ZNF778: variants seen among roughly 807,000 people sequenced by gnomAD.
The protein encoded by ZNF778 is zinc finger protein 778.
In ZNF778, 37 loss-of-function variants were observed where a neutral mutation model predicts 23.9. That is an observed-to-expected ratio of 1.54 (90% confidence interval 1.19 to 2.03). ZNF778 has a LOEUF of 2.03. Ranked by LOEUF, ZNF778 falls within the 30% of genes most tolerant of loss-of-function variation. The probability of loss-of-function intolerance (pLI) is 0.00; values close to 1 mark genes in which losing one functional copy is unlikely to be tolerated. For synonymous variants in ZNF778, 483 were observed against 343.9 expected, an observed-to-expected ratio of 1.40 and a Z score of -4.48; for missense variants, 1,297 against 934.4, an observed-to-expected ratio of 1.39 and a Z score of -5.06.
rs372110540 is a variant in ZNF778, at chr16:89,227,353, C to T, written c.1065C>T (p.His355=). The T allele has an allele frequency of 3.9e-5, 63 of 1,613,976 alleles. No homozygotes were observed. The highest frequency in any genetic ancestry group is 4.5e-5 in the East Asian group (2 of 44,886). Residue 355 remains histidine, a synonymous_variant, in exon 7 of 7, where the codon CAC becomes CAT. Transcript: ENST00000433976. ...AFTGLSGLSK[H]VQTDPGQKPY... ...CTGGACTCTCAGGTCTTTCTAAACACGTCCAAACAGACCCTGGACAGAAGC... is the reference window on the plus strand; with the variant it reads ...CTGGACTCTCAGGTCTTTCTAAACATGTCCAAACAGACCCTGGACAGAAGC...
intron 4 of ZNF778, among the ~76,000 whole-genome samples, chr16:89,224,445 C>G (rs1295500987): frequency 2.0e-5 from 3 of 152,174 alleles, no homozygotes; most frequent in Non-Finnish European, 4.4e-5. Flanking sequence ...CGGTGAAACC[C>G]CATCTCTACT....
Position 89,225,624 on chromosome 16 carries a change from C to G in ZNF778, c.398C>G (p.Thr133Arg), listed in dbSNP as rs377280363. 6.2e-6 allele frequency: 10 copies of G among 1,611,954 alleles called. No homozygotes were observed. Among genetic ancestry groups the G allele is most frequent in the Middle Eastern group, 1.7e-4 (1 of 6,058 alleles). Residue 133 changes from threonine to arginine, a missense_variant, in exon 6 of 7, where the codon ACA becomes AGA. Physicochemically the swap from Thr to Arg is moderately conservative, Grantham distance 71. Transcript: ENST00000433976. The part of the protein sequence containing the change: ...DRSWFRASNE[T>R]QTARSHNGGQ... Reference sequence around the variant, plus strand: ...TCTTGGTTCAGAGCATCAAATGAGACACAGACGGTAAGATTAACAAGAGAG... The same window carrying G: ...TCTTGGTTCAGAGCATCAAATGAGAGACAGACGGTAAGATTAACAAGAGAG...
rs1004014022 is a variant in ZNF778 at position 89,228,590 on chromosome 16, T to C, written c.*28T>C. The C allele has an allele frequency of 1.4e-5, 21 of 1,543,118 alleles. 1 individual carries two copies. The highest frequency in any genetic ancestry group is 8.4e-5 in the Admixed American group (4 of 47,422). Reference sequence around the variant, plus strand: ...TAAAGAATGTGGGGAAGCTGTCAGCTACACTCATTCACGTTGAAGACATGA... The same window carrying C: ...TAAAGAATGTGGGGAAGCTGTCAGCCACACTCATTCACGTTGAAGACATGA... On this transcript the variant is annotated 3_prime_UTR_variant, in exon 7 of 7. Coordinates refer to ENST00000433976, the MANE Select transcript of ZNF778 (RefSeq NM_001201407.2).
In ZNF778 at chr16:89,227,045, T is replaced by C. The variant is rs754760257; in HGVS notation, c.757T>C (p.Trp253Arg). ...GGGAAGTCACAACGGAGAAGAAACA[T>C]GGAAATGGAAGCCGTGTGGGAAAGC... ...RAGSHNGEET[W>R]KWKPCGKALT... The change falls in exon 7 of 7, where the codon TGG (tryptophan) becomes CGG (arginine). Residue 253 changes from tryptophan to arginine, a missense_variant. Trp to Arg is a moderately radical substitution (Grantham distance 101). Coordinates refer to ENST00000433976, the MANE Select transcript of ZNF778 (RefSeq NM_001201407.2). 6.2e-7 allele frequency: 1 copy of C among 1,613,814 alleles called. No homozygotes were observed. The highest frequency in any genetic ancestry group is 1.1e-5 in the South Asian group (1 of 91,074).
rs2031881703 is a variant in ZNF778 at position 89,230,804 on chromosome 16, G to A, written c.*2242G>A. On this transcript the variant is annotated 3_prime_UTR_variant, in exon 7 of 7. Coordinates refer to ENST00000433976, the MANE Select transcript of ZNF778 (RefSeq NM_001201407.2). ...CGGTATAAAGGTAATCTACAACGAG[G>A]TGAACAATAAATCCTGGATGGACAG... 6.6e-6 allele frequency: 1 copy of A among 152,240 alleles called. No homozygotes were observed. Among genetic ancestry groups the A allele is most frequent in the East Asian group, 1.9e-4 (1 of 5,200 alleles). 9.4% of individuals were successfully genotyped at this position (152,240 alleles called of 1,614,324 possible).
chr16:89,226,388 A>G (rs140741666), intron 6 of ZNF778, among the ~76,000 whole-genome samples: 84 of 152,270 alleles, frequency 5.5e-4, no homozygotes, highest in African/African-American at 1.8e-3. Context: ...TATTTTTAAT[A>G]GAGACGGGGT....
intron 4 of ZNF778, among the ~76,000 whole-genome samples, chr16:89,224,451 C>G (rs796551177): frequency 6.6e-6 from 1 of 152,174 alleles, no homozygotes; most frequent in South Asian, 2.1e-4. Context: ...AACCCCATCT[C>G]TACTAAAAAT....
rs947362132 is a variant in ZNF778, at chr16:89,236,078, G to A, written c.*7516G>A. 5.9e-5 allele frequency: 9 copies of A among 152,316 alleles called. No individual in the cohort carries two copies. Among genetic ancestry groups the A allele is most frequent in the African/African-American group, 1.9e-4 (8 of 41,562 alleles). 9.4% of individuals were successfully genotyped at this position (152,316 alleles called of 1,614,324 possible). On this transcript the variant is annotated 3_prime_UTR_variant, in exon 7 of 7. Transcript: ENST00000433976. ...TGCAGTCCCAGCTACTGGGGAGGCT[G>A]AGGCAGGAGAATGGCGTGAACCCGG...
intron 6 of ZNF778, 58 bp downstream of exon 6, chr16:89,225,689 C>T: frequency 6.7e-7 from 1 of 1,485,754 alleles, no homozygotes; most frequent in Non-Finnish European, 9.2e-7. Context: ...TTGGGAATTC[C>T]ACTATAGAAA....
At chr16:89,221,392 C>G (rs937940028) in intron 2 of ZNF778, among the ~76,000 whole-genome samples, 2 of 152,216 alleles carry the variant, frequency 1.3e-5, no homozygotes, top group African/African-American at 2.4e-5. Context: ...TCACGTTCCT[C>G]AAGGCGTACC....
chr16:89,229,985 G>A lies in ZNF778; in HGVS notation c.*1423G>A. The A allele has an allele frequency of 8.1e-6, 8 of 982,518 alleles. No homozygotes were observed. Among genetic ancestry groups the A allele is most frequent in the Non-Finnish European group, 9.7e-6 (8 of 827,530 alleles). The allele number at this position is 982,518 out of a possible 1,614,324, so 60.9% of individuals were successfully genotyped here. A position where few individuals can be genotyped will look rare whatever the true frequency, so the allele number is the denominator to read the frequency against. ...GTTGGTTAGTCTTGAGGATCCAGAT[G>A]TGATCCTGTGTGAGCAGTGTAGGCT... On this transcript the variant is annotated 3_prime_UTR_variant, in exon 7 of 7. Transcript: ENST00000433976.
rs747663838 is a variant in ZNF778, at chr16:89,227,436, A to G, written c.1148A>G (p.His383Arg). The part of the protein sequence containing the change: ...ACGGFYLLNE[H>R]GKTHTREKPF... ...GGTGGGTTTTATCTACTGAATGAGC[A>G]TGGAAAAACTCACACGAGGGAGAAG... is the stretch of plus-strand genomic sequence containing the variant. The change falls in exon 7 of 7, where the codon CAT (histidine) becomes CGT (arginine). Residue 383 changes from histidine (H) to arginine (R), a missense_variant. Physicochemically the swap from His to Arg is conservative, Grantham distance 29 (BLOSUM62 0). Transcript: ENST00000433976. 15 of 1,613,844 alleles carry G rather than the reference A, an allele frequency of 9.3e-6. No individual in the cohort carries two copies. The highest frequency in any genetic ancestry group is 5.0e-5 in the Admixed American group (3 of 59,988).
Position 89,227,468 on chromosome 16 carries a change from G to T in ZNF778, c.1180G>T (p.Ala394Ser). ...AACTCACACGAGGGAGAAGCCCTTT[G>T]CATGTGTGGTTTGCGGAAAATATTT... ...GKTHTREKPF[A>S]CVVCGKYFRN... Residue 394 changes from alanine to serine, a missense_variant, in exon 7 of 7, where the codon GCA (alanine) becomes TCA (serine). Coordinates refer to ENST00000433976, the MANE Select transcript of ZNF778 (RefSeq NM_001201407.2). The T allele has an allele frequency of 6.2e-7, 1 of 1,613,632 alleles. No homozygotes were observed. Among genetic ancestry groups the T allele is most frequent in the Non-Finnish European group, 8.5e-7 (1 of 1,179,800 alleles).
rs925961496 is a variant in ZNF778 at position 89,223,352 on chromosome 16, G to C, written c.244+69G>C. 3.1e-6 allele frequency: 5 copies of C among 1,596,466 alleles called. No individual in the cohort carries two copies. The Admixed American group carries it at 5.4e-5, about 17-fold the overall frequency. ...TTGATGTGTCCTTACTGTGTTCCAG[G>C]GTTGGTGACGGCAAAGCCGAGTACC... is the stretch of plus-strand genomic sequence containing the variant. On this transcript the variant is annotated intron_variant, in intron 4 of 6. Coordinates refer to ENST00000433976, the MANE Select transcript of ZNF778 (RefSeq NM_001201407.2).
rs1370726814 is a variant in ZNF778 at position 89,228,207 on chromosome 16, C to G, written c.1919C>G (p.Thr640Ser). The part of the protein sequence containing the change: ...SHLIVHIRTH[T>S]GEKPYICKEC... ...CTTATCGTGCACATAAGAACCCACA[C>G]CGGTGAGAAACCCTACATATGTAAG... The change falls in exon 7 of 7, where the codon ACC becomes AGC. Residue 640 changes from threonine to serine, a missense_variant. Coordinates refer to ENST00000433976, the MANE Select transcript of ZNF778 (RefSeq NM_001201407.2). 6.2e-7 allele frequency: 1 copy of G among 1,613,498 alleles called. No individual in the cohort carries two copies. The highest frequency in any genetic ancestry group is 8.5e-7 in the Non-Finnish European group (1 of 1,179,620).
Position 89,225,601 on chromosome 16 carries a change from T to C in ZNF778, c.375T>C (p.Ser125=). ...TKGPALRQDR[S]WFRASNETQT... ...GGCCAGCACTTCGGCAGGATAGATC[T>C]TGGTTCAGAGCATCAAATGAGACAC... The change falls in exon 6 of 7, where the codon TCT becomes TCC. Residue 125 remains serine (S), a synonymous_variant. Coordinates refer to ENST00000433976, the MANE Select transcript of ZNF778 (RefSeq NM_001201407.2). 1 of 1,613,140 alleles carries C rather than the reference T, an allele frequency of 6.2e-7. No homozygotes were observed. Among genetic ancestry groups the C allele is most frequent in the South Asian group, 1.1e-5 (1 of 91,038 alleles).
At chr16:89,218,332 C>T (rs1243688657) in intron 1 of ZNF778, 2 of 152,242 alleles carry the variant, frequency 1.3e-5, no homozygotes, top group Non-Finnish European at 2.9e-5. Flanking sequence ...GCCATGTTTT[C>T]TCTCTCCCCC....
rs574330841 is a variant in ZNF778, at chr16:89,232,755, A to G, written c.*4193A>G. ...AGATGGTAAACAACTTGCTGGAAACATGCACTGCATATACAAATCAACTCA... is the reference window on the plus strand; with the variant it reads ...AGATGGTAAACAACTTGCTGGAAACGTGCACTGCATATACAAATCAACTCA... On this transcript the variant is annotated 3_prime_UTR_variant, in exon 7 of 7. Coordinates refer to ENST00000433976, the MANE Select transcript of ZNF778 (RefSeq NM_001201407.2). 7.4e-5 allele frequency: 95 copies of G among 1,286,390 alleles called. 1 individual carries two copies. In the South Asian group the frequency reaches 1.1e-3, roughly 15 times the overall value. The allele number at this position is 1,286,390 out of a possible 1,614,324, so 79.7% of individuals were successfully genotyped here.
In ZNF778 at chr16:89,227,291, A is replaced by C. The variant is rs770252210; in HGVS notation, c.1003A>C (p.Lys335Gln). Residue 335 changes from lysine (K) to glutamine (Q), a missense_variant, in exon 7 of 7, where the codon AAA becomes CAA. Lys to Gln is a moderately conservative substitution (Grantham distance 53). Coordinates refer to ENST00000433976, the MANE Select transcript of ZNF778 (RefSeq NM_001201407.2). ...ACATGTAAGAATTCATGCTGCAGAG[A>C]AACCCTGTGAATGTAAAGAATGCGG... ...TQHVRIHAAE[K>Q]PCECKECGKA... The C allele has an allele frequency of 6.2e-7, 1 of 1,613,936 alleles. No individual in the cohort carries two copies. The highest frequency in any genetic ancestry group is 8.5e-7 in the Non-Finnish European group (1 of 1,179,832).
Sources: gnomAD v4.1 joint callset for allele counts (sites outside exome capture counted in the v4.1 genomes callset) on GRCh38, gnomAD v4.1.1 for gene constraint, MANE v1.5 for transcripts, NCBI Gene and HGNC (gene_info 2026-07-23, HGNC 2026-07-21) for gene names.